Variants in RBFOX1 observed in about 807,000 individuals in gnomAD.
RBFOX1 encodes the protein RNA binding fox-1 homolog 1.
In RBFOX1, 8 loss-of-function variants were observed where a neutral mutation model predicts 57.7. The ratio of observed to expected loss-of-function variants is 0.14; its 90% confidence interval spans 0.08 to 0.25. The LOEUF (loss-of-function observed/expected upper bound fraction) is 0.25. RBFOX1 is among the 10% of genes least tolerant of loss of function. RBFOX1 has a pLI of 1.00. For missense variants in RBFOX1, 611 were observed against 548.5 expected (o/e 1.11, Z -1.14); for synonymous variants, 326 against 222.4 (o/e 1.47, Z -4.15).
At chr16:5,376,594 G>C (rs1012940902) in intron 1 of RBFOX1, among the ~76,000 whole-genome samples, 2 of 152,142 alleles carry the variant, frequency 1.3e-5, no homozygotes, top group African/African-American at 4.8e-5. Flanking sequence ...GTTGCCGGGA[G>C]ACATTTTCAG....
intron 3 of RBFOX1, among the ~76,000 whole-genome samples, chr16:6,768,325 T>C (rs1318685343): frequency 2.0e-5 from 3 of 150,656 alleles, no homozygotes; most frequent in African/African-American, 4.9e-5. Flanking sequence ...AAGAGTCTTA[T>C]TAAAAAGTAT....
chr16:6,917,293 A>T (rs993293530), intron 3 of RBFOX1, among the ~76,000 whole-genome samples: 1 of 152,218 alleles, frequency 6.6e-6, no homozygotes, highest in East Asian at 1.9e-4. Context: ...TTTGTAACCA[A>T]ACACTGAACA....
In RBFOX1 at chr16:6,855,631, C is replaced by T. The variant is rs895171789; in HGVS notation, c.-15-196426C>T. Among the ~76,000 whole-genome samples the T allele has an allele frequency of 5.0e-4, 68 of 136,222 alleles. 1 individual carries two copies. The highest frequency in any genetic ancestry group is 2.0e-3 in the African/African-American group (67 of 33,702). The allele number at this position is 136,222 out of a possible 152,430, so 89.4% of individuals were successfully genotyped here. A position where few individuals can be genotyped will look rare whatever the true frequency, so the allele number is the denominator to read the frequency against. On this transcript the variant is annotated intron_variant, in intron 3 of 15. Transcript: ENST00000550418. ...TCGCACCACTTCACTCCAGCCTGGG[C>T]AACAGAGTGAGACTCCATCTCAAAA...
chr16:6,578,934 G>C (rs1428072440), intron 2 of RBFOX1, among the ~76,000 whole-genome samples: 2 of 152,078 alleles, frequency 1.3e-5, no homozygotes, highest in South Asian at 2.1e-4. Context: ...ATTGGGTACA[G>C]TGTACAAATT....
chr16:6,542,338 G>A (rs571752157), intron 2 of RBFOX1, among the ~76,000 whole-genome samples: 16 of 152,064 alleles, frequency 1.1e-4, no homozygotes, highest in Admixed American at 9.2e-4. Flanking sequence ...GGGCTGGATT[G>A]TGGGGTGTTC....
chr16:6,539,157 C>A (rs1437748919), intron 2 of RBFOX1, among the ~76,000 whole-genome samples: 1 of 151,778 alleles, frequency 6.6e-6, no homozygotes. Flanking sequence ...CATGGTATGA[C>A]TGTTCTTCTC....
At chr16:5,565,305 G>T (rs2046026243) in intron 2 of RBFOX1, among the ~76,000 whole-genome samples, 1 of 152,166 alleles carries the variant, frequency 6.6e-6, no homozygotes, top group African/African-American at 2.4e-5. Context: ...TCATGTGCAT[G>T]CATGTGCACA....
intron 3 of RBFOX1, among the ~76,000 whole-genome samples, chr16:5,753,349 G>A (rs1271271153): frequency 6.6e-6 from 1 of 152,066 alleles, no homozygotes; most frequent in Non-Finnish European, 1.5e-5. Context: ...TTTACACTAT[G>A]TGCCCTGATT....
chr16:7,181,644 C>A (rs930497365), intron 4 of RBFOX1, among the ~76,000 whole-genome samples: 4 of 152,020 alleles, frequency 2.6e-5, no homozygotes, highest in African/African-American at 4.8e-5. Context: ...CTCACTGCAA[C>A]CTCTGCCTCC....
chr16:5,654,143 G>A (rs1253097482), intron 3 of RBFOX1, among the ~76,000 whole-genome samples: 1 of 152,214 alleles, frequency 6.6e-6, no homozygotes, highest in African/African-American at 2.4e-5. Flanking sequence ...TGCTGTGTCA[G>A]TCTGGACGAG....
At chr16:7,061,381 C>T (rs376860301) in intron 4 of RBFOX1, among the ~76,000 whole-genome samples, 74 of 152,180 alleles carry the variant, frequency 4.9e-4, no homozygotes, top group African/African-American at 1.7e-3. Flanking sequence ...TTGATTGATT[C>T]TGATCAAGAA....
At chr16:6,510,833 G>T (rs1334980174) in intron 2 of RBFOX1, among the ~76,000 whole-genome samples, 4 of 151,252 alleles carry the variant, frequency 2.6e-5, no homozygotes, top group Non-Finnish European at 4.4e-5. Flanking sequence ...AAGTAGTGTT[G>T]CACCCTTAGT....
At chr16:6,763,673 C>A (rs917806279) in intron 3 of RBFOX1, among the ~76,000 whole-genome samples, 7 of 152,180 alleles carry the variant, frequency 4.6e-5, no homozygotes, top group African/African-American at 1.7e-4. Flanking sequence ...AGTATCGGGT[C>A]TGTTTTAGGA....
chr16:7,505,946 G>T (rs1234320228), intron 4 of RBFOX1, among the ~76,000 whole-genome samples: 1 of 152,038 alleles, frequency 6.6e-6, no homozygotes, highest in South Asian at 2.1e-4. Context: ...AGCACTTTGG[G>T]AGGCTGAGGT....
intron 1 of RBFOX1, among the ~76,000 whole-genome samples, chr16:6,093,780 C>G (rs763146653): frequency 6.6e-6 from 1 of 151,086 alleles, no homozygotes; most frequent in Non-Finnish European, 1.5e-5. Flanking sequence ...TTCCAGCATG[C>G]CCCACTCATT....
At chr16:6,636,987 T>C (rs1314910604) in intron 2 of RBFOX1, among the ~76,000 whole-genome samples, 1 of 126,552 alleles carries the variant, frequency 7.9e-6, no homozygotes, top group Admixed American at 9.2e-5. Flanking sequence ...TGTATATGTA[T>C]CATTATGTAT....
At chr16:6,995,229 A>C (rs1292091871) in intron 3 of RBFOX1, among the ~76,000 whole-genome samples, 1 of 151,096 alleles carries the variant, frequency 6.6e-6, no homozygotes, top group Non-Finnish European at 1.5e-5. Flanking sequence ...TAATTAGAGC[A>C]TATGATTTAC....
intron 1 of RBFOX1, among the ~76,000 whole-genome samples, chr16:6,117,728 C>G (rs572411526): frequency 8.9e-4 from 136 of 152,326 alleles, no homozygotes; most frequent in African/African-American, 3.2e-3. Flanking sequence ...TATAAATTGC[C>G]CATTCTCAGT....
At chr16:6,802,179 G>C (rs1404232024) in intron 3 of RBFOX1, among the ~76,000 whole-genome samples, 1 of 151,984 alleles carries the variant, frequency 6.6e-6, no homozygotes, top group African/African-American at 2.4e-5. Flanking sequence ...GTGGGCTTTG[G>C]TTGCATCCCA....
Sources: allele counts gnomAD v4.1 joint callset (sites outside exome capture counted in the v4.1 genomes callset), GRCh38; gene constraint gnomAD v4.1.1; transcripts MANE v1.5; gene names NCBI Gene and HGNC (gene_info 2026-07-23, HGNC 2026-07-21).